Variants in ZNF331 observed in about 807,000 individuals in gnomAD.
ZNF331 encodes the protein zinc finger protein 331, also known as C2H2-like zinc finger protein rearranged in thyroid adenomas.
ZNF331 carries 2 observed loss-of-function variants against 7.0 expected under a neutral mutation model. The ratio of observed to expected loss-of-function variants is 0.29; its 90% CI spans 0.12 to 0.90. ZNF331 has a LOEUF of 0.90. Ranked by LOEUF, ZNF331 falls within the 40% of genes least tolerant of loss-of-function variation. The pLI, the probability that ZNF331 is intolerant of heterozygous loss-of-function variation, is 0.58. For missense variants in ZNF331, 432 were observed against 587.7 expected (o/e 0.74, Z 2.74); for synonymous variants, 196 against 205.4 (o/e 0.95, Z 0.39).
chr19:53,568,849 C>CTT (rs537822108), intron 3 of ZNF331, among the ~76,000 whole-genome samples: 824 of 77,052 alleles, frequency 0.011, no homozygotes, highest in Non-Finnish European at 0.014. Context: ...CCATGATACT[C>CTT]TTTTTTTTTT....
intron 2 of ZNF331, among the ~76,000 whole-genome samples, chr19:53,551,174 T>A (rs1451057955): frequency 1.3e-5 from 2 of 152,140 alleles, no homozygotes; most frequent in African/African-American, 4.8e-5. Context: ...TCACTCCTTA[T>A]AACGGGATTA....
chr19:53,572,580 T>TACACAC (rs1365130863), intron 5 of ZNF331, among the ~76,000 whole-genome samples: 2 of 58,644 alleles, frequency 3.4e-5, no homozygotes, highest in African/African-American at 2.4e-4. Context: ...ATATTATATA[T>TACACAC]ACACATATAT....
chr19:53,509,401 C>T, the ZNF331 span, among the ~76,000 whole-genome samples: 3 of 152,158 alleles, frequency 2.0e-5, no homozygotes, highest in Non-Finnish European at 4.4e-5. Flanking sequence ...TTCATCATGT[C>T]GGTGCAGAGA....
At position 53,539,575 on chromosome 19, in the gene ZNF331, C is replaced by T. The variant is rs2087989457; in HGVS notation, c.-138+293C>T. ...ACTGGGATGGGTGTTTGCAGGTTCA[C>T]AAAATGAACCACAGCCTCAAATGGC... On this transcript the variant is annotated intron_variant, in intron 2 of 5. Transcript: ENST00000449416. This position sits in a 1 kb window ranked among gnomAD's most constrained non-coding sequence, Gnocchi z 6.1. The T allele has an allele frequency of 6.6e-6, 1 of 152,182 alleles. No individual in the cohort carries two copies. Among genetic ancestry groups the T allele is most frequent in the African/African-American group, 2.4e-5 (1 of 41,446 alleles). The allele number at this position is 152,182 out of a possible 1,614,324, so 9.4% of individuals were successfully genotyped here. A position where few individuals can be genotyped will look rare whatever the true frequency, so the allele number is the denominator to read the frequency against.
chr19:53,514,825 T>A (rs1178995676), upstream of ZNF331, among the ~76,000 whole-genome samples: 1 of 152,074 alleles, frequency 6.6e-6, no homozygotes, highest in Non-Finnish European at 1.5e-5. Context: ...TAATTTTTTG[T>A]ATTTTTAGTA....
upstream of ZNF331, among the ~76,000 whole-genome samples, chr19:53,536,530 A>G (rs116227634): frequency 1.6e-3 from 241 of 152,252 alleles, 1 homozygote; most frequent in African/African-American, 5.6e-3. Flanking sequence ...TAGGAAATGT[A>G]CTCTATGTCA....
Position 53,558,821 on chromosome 19 carries a change from CACA to C in ZNF331, c.-74+2914_-74+2916del, listed in dbSNP as rs2089594904. On this transcript the variant is annotated intron_variant, in intron 3 of 5. Transcript: ENST00000449416. The surrounding 1 kb of genome is among the most constrained non-coding windows in gnomAD (Gnocchi z 4.5). ...GACACACTCATACCCCATATATACA[CACA>C]TATAGGCACCTACATATATACACAC... 6.6e-6 allele frequency among the ~76,000 whole-genome samples: 1 copy of C among 151,756 alleles called. No individual in the cohort carries two copies. Among genetic ancestry groups the C allele is most frequent in the Non-Finnish European group, 1.5e-5 (1 of 67,886 alleles).
In ZNF331 at chr19:53,560,532, G is replaced by A. The variant is rs2089820004; in HGVS notation, c.-74+4624G>A. 6.6e-6 allele frequency among the ~76,000 whole-genome samples: 1 copy of A among 152,138 alleles called. No homozygotes were observed. Among genetic ancestry groups the A allele is most frequent in the South Asian group, 2.1e-4 (1 of 4,834 alleles). ...GGCCTTATATCAGTTTATTTTTGCT[G>A]TTTTAACAAATTACTGTAGATTATT... On this transcript the variant is annotated intron_variant, in intron 3 of 5. Coordinates refer to ENST00000449416, the MANE Select transcript of ZNF331 (RefSeq NM_001079906.2). The surrounding 1 kb of genome is among the most constrained non-coding windows in gnomAD (Gnocchi z 4.3).
chr19:53,579,248 G>A lies in ZNF331; in HGVS notation c.*1296G>A. On this transcript the variant is annotated 3_prime_UTR_variant, in exon 6 of 6. Coordinates refer to ENST00000449416, the MANE Select transcript of ZNF331 (RefSeq NM_001079906.2). ...TTTAATGAATACATAAAGACTACCA[G>A]TACCATTCTGTCTTTACTCCGTGGC... 4.7e-6 allele frequency: 1 copy of A among 213,866 alleles called. No homozygotes were observed. Among genetic ancestry groups the A allele is most frequent in the Non-Finnish European group, 9.5e-6 (1 of 105,714 alleles). 13.2% of individuals were successfully genotyped at this position (213,866 alleles called of 1,614,324 possible).
At chr19:53,523,755 G>A (rs1332291735) in intron 2 of ZNF331, among the ~76,000 whole-genome samples, 1 of 150,020 alleles carries the variant, frequency 6.7e-6, no homozygotes, top group East Asian at 1.9e-4. Context: ...ATAGTTGTTA[G>A]TCTATAGGGA....
At chr19:53,518,166 T>A (rs187887342), upstream of ZNF331, among the ~76,000 whole-genome samples, 1 of 152,210 alleles carries the variant, frequency 6.6e-6, no homozygotes, top group East Asian at 1.9e-4. Flanking sequence ...GTGGGATACC[T>A]TTGCTTGCTG....
In ZNF331 at chr19:53,579,570, A is replaced by G. The variant is rs550796940; in HGVS notation, c.*1618A>G. On this transcript the variant is annotated 3_prime_UTR_variant, in exon 6 of 6. Coordinates refer to ENST00000449416, the MANE Select transcript of ZNF331 (RefSeq NM_001079906.2). ...ATAAATAATAACTATTGTTGTTTTT[A>G]TGATCATTACTACCATTTGTGTTGC... 2.0e-5 allele frequency: 4 copies of G among 202,148 alleles called. No individual in the cohort carries two copies. Among genetic ancestry groups the G allele is most frequent in the African/African-American group, 9.2e-5 (4 of 43,694 alleles). 12.5% of individuals were successfully genotyped at this position (202,148 alleles called of 1,614,324 possible).
chr19:53,566,801 G>T (rs1210952047), intron 3 of ZNF331, among the ~76,000 whole-genome samples: 1 of 140,236 alleles, frequency 7.1e-6, no homozygotes, highest in Non-Finnish European at 1.6e-5. Context: ...TTTGCATAAG[G>T]GGTCGTAGAA....
In ZNF331 at chr19:53,578,249, G is replaced by A. The variant is rs1479547744; in HGVS notation, c.*297G>A. Reference sequence around the variant, plus strand: ...TCAGATCAACTATCCCAGCATCACAGTGCCTGTGCCCAAGCAGTCCTCACT... The same window carrying A: ...TCAGATCAACTATCCCAGCATCACAATGCCTGTGCCCAAGCAGTCCTCACT... On this transcript the variant is annotated 3_prime_UTR_variant, in exon 6 of 6. Transcript: ENST00000449416. 2.7e-6 allele frequency: 1 copy of A among 365,578 alleles called. No individual in the cohort carries two copies. The highest frequency in any genetic ancestry group is 2.0e-5 in the African/African-American group (1 of 50,408). The allele number at this position is 365,578 out of a possible 1,614,324, so 22.6% of individuals were successfully genotyped here.
At chr19:53,504,226 C>T in the ZNF331 span, 1 of 320,024 alleles carries the variant, frequency 3.1e-6, no homozygotes, top group African/African-American at 2.2e-5. Flanking sequence ...GCTGTCAGCC[C>T]CTTTCTTCTC....
intron 5 of ZNF331, among the ~76,000 whole-genome samples, chr19:53,575,203 T>G (rs1432638704): frequency 6.6e-6 from 1 of 152,086 alleles, no homozygotes; most frequent in African/African-American, 2.4e-5. Flanking sequence ...TCTCCCAAAG[T>G]GCTGGGATTA....
chr19:53,540,632 C>T (rs1568477155), intron 2 of ZNF331, among the ~76,000 whole-genome samples: 1 of 152,128 alleles, frequency 6.6e-6, no homozygotes, highest in Non-Finnish European at 1.5e-5. Context: ...AGGGTTTCTC[C>T]TTGTTGATCA....
chr19:53,522,371 GGACCAC>G (rs2087119913), intron 1 of ZNF331, among the ~76,000 whole-genome samples: 1 of 151,696 alleles, frequency 6.6e-6, no homozygotes, highest in East Asian at 1.9e-4. Flanking sequence ...CAAGTAGCTG[GGACCAC>G]AGGCGCACGC....
At chr19:53,531,443 C>A (rs2569562) in intron 2 of ZNF331, among the ~76,000 whole-genome samples, 39,741 of 151,898 alleles carry the variant, frequency 0.26, 6,102 homozygotes, top group African/African-American at 0.43. Context: ...TTCTAAGAAT[C>A]TGATGATATA....
Sources: allele counts gnomAD v4.1 joint callset (sites outside exome capture counted in the v4.1 genomes callset), GRCh38; gene constraint gnomAD v4.1.1; non-coding constraint Gnocchi (gnomAD v3.1); transcripts MANE v1.5; gene names NCBI Gene and HGNC (gene_info 2026-07-23, HGNC 2026-07-21).